Variants in PCSK5 observed in about 807,000 individuals in gnomAD.
PCSK5 encodes the protein proprotein convertase subtilisin/kexin type 5.
A neutral mutation model predicts 233.2 loss-of-function variants in PCSK5; 129 were observed. The observed-to-expected ratio is 0.55, with a 90% CI of 0.48 to 0.64. The LOEUF (loss-of-function observed/expected upper bound fraction) is 0.64. PCSK5 is among the 30% of genes least tolerant of loss of function. The probability of loss-of-function intolerance (pLI) is 0.00; values close to 1 mark genes in which losing one functional copy is unlikely to be tolerated. For synonymous variants in PCSK5, 825 were observed against 879.2 expected (o/e 0.94, Z 1.09); for missense variants, 2,076 against 2,430.1 (o/e 0.85, Z 3.06).
intron 30 of PCSK5, among the ~76,000 whole-genome samples, chr9:76,319,395 C>A (rs1829125125): frequency 7.3e-6 from 1 of 136,992 alleles, no homozygotes; most frequent in African/African-American, 2.7e-5. Context: ...TGATCATGGA[C>A]AATTATCAAT....
intron 2 of PCSK5, among the ~76,000 whole-genome samples, chr9:75,938,930 T>C (rs1824180218): frequency 6.6e-6 from 1 of 152,162 alleles, no homozygotes; most frequent in South Asian, 2.1e-4. Flanking sequence ...CTTAAAGTTA[T>C]TTTTGATCAT....
At chr9:76,252,847 A>G (rs1474151349) in intron 24 of PCSK5, among the ~76,000 whole-genome samples, 3 of 152,226 alleles carry the variant, frequency 2.0e-5, no homozygotes, top group African/African-American at 7.2e-5. Context: ...TATGGAAGAC[A>G]TGAAGTTCAC....
chr9:76,302,198 G>T lies in PCSK5; in HGVS notation c.3585G>T (p.Trp1195Cys), dbSNP rs529419170. Residue 1195 changes from tryptophan to cysteine, a missense_variant, in exon 28 of 38, where the codon TGG becomes TGT. Coordinates refer to ENST00000674117, the MANE Select transcript of PCSK5 (RefSeq NM_001372043.1). ...VKSLLQERRR[W>C]KVQIKRDILR... ...GCCTGCTGCAGGAGCGACGAAGGTG[G>T]AAAGTTCAAATCAAAAGAGGTAACA... 5.2e-6 allele frequency: 7 copies of T among 1,354,834 alleles called. No homozygotes were observed. Among genetic ancestry groups the T allele is most frequent in the East Asian group, 4.6e-5 (1 of 21,800 alleles). The allele number at this position is 1,354,834 out of a possible 1,614,324, so 83.9% of individuals were successfully genotyped here. A position where few individuals can be genotyped will look rare whatever the true frequency, so the allele number is the denominator to read the frequency against.
chr9:76,186,305 A>G (rs1043386564), intron 17 of PCSK5, among the ~76,000 whole-genome samples: 5 of 152,256 alleles, frequency 3.3e-5, no homozygotes, highest in African/African-American at 9.6e-5. Context: ...AAAATTTTAC[A>G]TAGCCAAGTT....
rs189853889 is a variant in PCSK5, at chr9:76,246,144, C to T, written c.3142+5460C>T. On this transcript the variant is annotated intron_variant, in intron 24 of 37. Coordinates refer to ENST00000674117, the MANE Select transcript of PCSK5 (RefSeq NM_001372043.1). The stretch of plus-strand genomic sequence containing the variant: ...TCACTTGAGTTCAGGAGTTTGAGAC[C>T]ATCCTGGACAACATGGTGAAACCCC... Among the ~76,000 whole-genome samples, 6 of 151,808 alleles carry T rather than the reference C, an allele frequency of 4.0e-5. No homozygotes were observed. The East Asian group carries it at 1.2e-3, about 29-fold the overall frequency.
intron 1 of PCSK5, among the ~76,000 whole-genome samples, chr9:75,922,770 C>T (rs1229054059): frequency 3.9e-5 from 6 of 152,132 alleles, no homozygotes; most frequent in African/African-American, 1.4e-4. Context: ...AATCTCATGT[C>T]CCTTGTGAAT....
chr9:76,061,638 A>G (rs1830032126), intron 5 of PCSK5, among the ~76,000 whole-genome samples: 1 of 152,184 alleles, frequency 6.6e-6, no homozygotes, highest in Non-Finnish European at 1.5e-5. Flanking sequence ...TTTCCAAAAT[A>G]AATAATTTTT....
intron 7 of PCSK5, among the ~76,000 whole-genome samples, chr9:76,079,383 C>T (rs1339406905): frequency 6.6e-6 from 1 of 152,086 alleles, no homozygotes; most frequent in East Asian, 1.9e-4. Flanking sequence ...AGGTGATCTG[C>T]CCGCCTTGGC....
intron 25 of PCSK5, among the ~76,000 whole-genome samples, chr9:76,292,873 C>T (rs1335482847): frequency 6.6e-6 from 1 of 152,188 alleles, no homozygotes; most frequent in Non-Finnish European, 1.5e-5. Context: ...GAGAAAGGAG[C>T]TGCAAAGGAA....
At chr9:76,062,579 A>G (rs1830067029) in intron 5 of PCSK5, among the ~76,000 whole-genome samples, 1 of 152,208 alleles carries the variant, frequency 6.6e-6, no homozygotes, top group Admixed American at 6.5e-5. Flanking sequence ...TATTTTCTCC[A>G]TATGTCATTC....
At position 75,891,167 on chromosome 9, in the gene PCSK5, C is replaced by A. The variant is rs1564063116; in HGVS notation, c.-15C>A. 5 of 1,454,438 alleles carry A rather than the reference C, an allele frequency of 3.4e-6. No homozygotes were observed. The highest frequency in any genetic ancestry group is 5.9e-5 in the Admixed American group (2 of 33,678). The allele number at this position is 1,454,438 out of a possible 1,614,324, so 90.1% of individuals were successfully genotyped here. A position where few individuals can be genotyped will look rare whatever the true frequency, so the allele number is the denominator to read the frequency against. ...AACCAGCCAGCGAGCGAGGGAGCAG[C>A]GAGGCGCCGGGACCATGGGCTGGGG... On this transcript the variant is annotated 5_prime_UTR_variant, in exon 1 of 38. Coordinates refer to ENST00000674117, the MANE Select transcript of PCSK5 (RefSeq NM_001372043.1).
At chr9:75,988,140 G>C (rs1227469146) in intron 3 of PCSK5, among the ~76,000 whole-genome samples, 4 of 152,190 alleles carry the variant, frequency 2.6e-5, no homozygotes, top group African/African-American at 9.7e-5. Flanking sequence ...GAGAGACTGA[G>C]AGAAGAGCTT....
Position 76,096,086 on chromosome 9 carries a change from C to G in PCSK5, c.1091C>G (p.Ser364Cys). The G allele has an allele frequency of 1.9e-6, 3 of 1,613,258 alleles. No individual in the cohort carries two copies. The highest frequency in any genetic ancestry group is 2.5e-6 in the Non-Finnish European group (3 of 1,179,394). ...TLATTYSSGE[S>C]YDKKIITTDL... ...GCCACAACCTACAGCAGCGGGGAGT[C>G]CTACGATAAGAAAATCGTACGTGAC... is the stretch of plus-strand genomic sequence containing the variant. Residue 364 changes from serine (S) to cysteine (C), a missense_variant, in exon 8 of 38, where the codon TCC (serine) becomes TGC (cysteine). Around this residue, in one of 6 missense-constraint regions of PCSK5, gnomAD observed 178 missense variants for 393.6 expected, o/e 0.45. Transcript: ENST00000674117.
At chr9:75,989,201 A>C (rs1429714380) in intron 3 of PCSK5, among the ~76,000 whole-genome samples, 1 of 152,164 alleles carries the variant, frequency 6.6e-6, no homozygotes, top group Non-Finnish European at 1.5e-5. Flanking sequence ...GAATCAGTCA[A>C]ACTCTCCTCA....
intron 12 of PCSK5, among the ~76,000 whole-genome samples, chr9:76,167,559 A>G (rs972510131): frequency 6.6e-6 from 1 of 152,164 alleles, no homozygotes; most frequent in Non-Finnish European, 1.5e-5. Context: ...ACCTATCACA[A>G]TCCAAAATTG....
Position 75,935,282 on chromosome 9 carries a change from C to T in PCSK5, c.297+2799C>T, listed in dbSNP as rs552207319. Among the ~76,000 whole-genome samples the T allele has an allele frequency of 5.1e-3, 780 of 152,072 alleles. 8 individuals are homozygous for T. The highest frequency in any genetic ancestry group is 0.017 in the African/African-American group (715 of 41,512). On this transcript the variant is annotated intron_variant, in intron 2 of 37. Coordinates refer to ENST00000674117, the MANE Select transcript of PCSK5 (RefSeq NM_001372043.1). ...CAAGGTTTCACTGTGTTAGCCAGGA[C>T]GGTCTTGATCTCCTCTCCTCGTGAT...
In PCSK5 at chr9:76,282,352, CT is replaced by C. The variant is rs34892445; in HGVS notation, c.3143-9868del. The stretch of plus-strand genomic sequence containing the variant: ...TCTTTCTTTCTTCCTTTTCTTCTGT[CT>C]TTTTTTTTTTTTCGAGACAGGGTTT... On this transcript the variant is annotated intron_variant, in intron 24 of 37. Transcript: ENST00000674117. Among the ~76,000 whole-genome samples the C allele has an allele frequency of 3.1e-3, 409 of 131,036 alleles. 1 individual carries two copies. The highest frequency in any genetic ancestry group is 0.011 in the African/African-American group (367 of 33,376). The allele number at this position is 131,036 out of a possible 152,430, so 86.0% of individuals were successfully genotyped here. A position where few individuals can be genotyped will look rare whatever the true frequency, so the allele number is the denominator to read the frequency against.
At position 76,323,242 on chromosome 9, in the gene PCSK5, G is replaced by C. The variant is rs759791596; in HGVS notation, c.4293G>C (p.Glu1431Asp). The C allele has an allele frequency of 1.9e-5, 30 of 1,612,306 alleles. No individual in the cohort carries two copies. The highest frequency in any genetic ancestry group is 2.5e-5 in the Non-Finnish European group (30 of 1,179,506). Reference protein sequence around the residue: ...WVLYDGLCLEECPAGTYYEKE... With the variant: ...WVLYDGLCLEDCPAGTYYEKE... ...TCTATGATGGACTGTGCTTGGAGGA[G>C]TGTCCAGCAGGAACCTATTATGAAA... Residue 1431 changes from glutamate (E) to aspartate (D), a missense_variant, in exon 32 of 38, where the codon GAG becomes GAC. Around this residue, in one of 6 missense-constraint regions of PCSK5, gnomAD observed 1,510 missense variants for 1,538.1 expected, o/e 0.98. Coordinates refer to ENST00000674117, the MANE Select transcript of PCSK5 (RefSeq NM_001372043.1).
Position 76,046,217 on chromosome 9 carries a change from G to A in PCSK5, c.632+19180G>A, listed in dbSNP as rs563438994. On this transcript the variant is annotated intron_variant, in intron 5 of 37. Coordinates refer to ENST00000674117, the MANE Select transcript of PCSK5 (RefSeq NM_001372043.1). ...TTTTGAGACGGAGTCTCGCCCTCTC[G>A]CCCAGGCTGGAATGCAGTGGTGCAA... Among the ~76,000 whole-genome samples the A allele has an allele frequency of 9.1e-4, 100 of 109,666 alleles. 1 individual carries two copies. Among genetic ancestry groups the A allele is most frequent in the Admixed American group, 4.0e-3 (28 of 6,990 alleles). The allele number at this position is 109,666 out of a possible 152,430, so 71.9% of individuals were successfully genotyped here.
Sources: allele counts gnomAD v4.1 joint callset (sites outside exome capture counted in the v4.1 genomes callset), GRCh38; gene constraint gnomAD v4.1.1; regional missense constraint gnomAD v4.1.1; transcripts MANE v1.5; gene names NCBI Gene and HGNC (gene_info 2026-07-23, HGNC 2026-07-21).